KCNMA1: variants seen among roughly 807,000 people sequenced by gnomAD.
KCNMA1 encodes the protein potassium calcium-activated channel subfamily M alpha 1.
A neutral mutation model predicts 140.0 loss-of-function variants in KCNMA1; 29 were observed. The ratio of observed to expected loss-of-function variants is 0.21; its 90% confidence interval spans 0.15 to 0.28. The LOEUF (loss-of-function observed/expected upper bound fraction) is 0.28. Ranked by LOEUF, KCNMA1 falls within the 10% of genes least tolerant of loss-of-function variation. The probability of loss-of-function intolerance (pLI) is 1.00; values close to 1 mark genes in which losing one functional copy is unlikely to be tolerated. For synonymous variants in KCNMA1, 612 were observed against 611.9 expected (o/e 1.00, Z 0.00); for missense variants, 880 against 1,602.2 (o/e 0.55, Z 7.70).
At chr10:77,111,087 T>C (rs2097310264) in intron 7 of KCNMA1, among the ~76,000 whole-genome samples, 1 of 152,196 alleles carries the variant, frequency 6.6e-6, no homozygotes, top group Non-Finnish European at 1.5e-5. Context: ...AACAAATGGG[T>C]GTGGCTGGAT....
chr10:76,891,277 A>G, intron 26 of KCNMA1: 3 of 519,790 alleles, frequency 5.8e-6, no homozygotes, highest in Non-Finnish European at 1.0e-5. Flanking sequence ...TCTGGGCCTC[A>G]GTTGACTTAG....
chr10:76,902,619 A>G (rs2045975366), intron 25 of KCNMA1: 1 of 152,242 alleles, frequency 6.6e-6, no homozygotes, highest in Admixed American at 6.5e-5. Flanking sequence ...ACAAGTTTGC[A>G]AACCTGACTA....
At chr10:76,877,585 G>A (rs2032626165), downstream of KCNMA1, 3 of 637,654 alleles carry the variant, frequency 4.7e-6, no homozygotes, top group Admixed American at 6.0e-5. Flanking sequence ...CAATATTCAA[G>A]GCAGACAAAG....
chr10:77,210,938 T>A (rs140300389), intron 3 of KCNMA1, among the ~76,000 whole-genome samples: 186 of 152,250 alleles, frequency 1.2e-3, no homozygotes, highest in African/African-American at 4.3e-3. Flanking sequence ...TGGAAAAACA[T>A]TTCATGCTCA....
At chr10:77,217,665 A>C (rs1307193737) in intron 3 of KCNMA1, 5 of 386,228 alleles carry the variant, frequency 1.3e-5, no homozygotes, top group Non-Finnish European at 2.7e-5. Context: ...GTTGCACCTC[A>C]ATTTATGCTG....
chr10:77,333,831 G>A (rs1036754800), intron 2 of KCNMA1, among the ~76,000 whole-genome samples: 1 of 152,198 alleles, frequency 6.6e-6, no homozygotes, highest in Non-Finnish European at 1.5e-5. Flanking sequence ...TGAGTGTGAT[G>A]GGTAATTGGC....
At chr10:77,189,488 G>A (rs940815066) in intron 3 of KCNMA1, among the ~76,000 whole-genome samples, 2 of 152,142 alleles carry the variant, frequency 1.3e-5, no homozygotes, top group African/African-American at 4.8e-5. Context: ...AGTACCTGCT[G>A]AGCACATTTT....
At chr10:77,383,343 G>C (rs983101403) in intron 2 of KCNMA1, among the ~76,000 whole-genome samples, 4 of 151,692 alleles carry the variant, frequency 2.6e-5, no homozygotes, top group Non-Finnish European at 4.4e-5. Flanking sequence ...CAGGTGTGCT[G>C]GGGGCTTCTA....
chr10:77,402,304 C>A (rs1322315223), intron 2 of KCNMA1, among the ~76,000 whole-genome samples: 1 of 152,174 alleles, frequency 6.6e-6, no homozygotes, highest in Admixed American at 6.5e-5. Flanking sequence ...CAGCAAGTCA[C>A]CTCCAAGTCC....
intron 1 of KCNMA1, among the ~76,000 whole-genome samples, chr10:77,610,645 T>C (rs2154567975): frequency 6.6e-6 from 1 of 152,332 alleles, no homozygotes; most frequent in South Asian, 2.1e-4. Flanking sequence ...AGGCCACATA[T>C]TGTGTGATTC....
chr10:76,947,682 G>A (rs1170089341), intron 22 of KCNMA1, among the ~76,000 whole-genome samples: 1 of 152,172 alleles, frequency 6.6e-6, no homozygotes, highest in Non-Finnish European at 1.5e-5. Flanking sequence ...AACTGCCTGT[G>A]CTCACTAAGG....
intron 13 of KCNMA1, among the ~76,000 whole-genome samples, chr10:77,078,257 G>A (rs1047542051): frequency 6.6e-6 from 1 of 152,160 alleles, no homozygotes; most frequent in South Asian, 2.1e-4. Context: ...CCAGGTACTG[G>A]GCAGCCTCCG....
chr10:77,421,803 C>T (rs1012162024), intron 1 of KCNMA1, among the ~76,000 whole-genome samples: 2 of 152,250 alleles, frequency 1.3e-5, no homozygotes, highest in African/African-American at 4.8e-5. Context: ...ACGGAAGCCA[C>T]GTCTTGTTCA....
chr10:77,281,748 C>A (rs193133705), intron 2 of KCNMA1, among the ~76,000 whole-genome samples: 64 of 152,260 alleles, frequency 4.2e-4, no homozygotes, highest in Non-Finnish European at 5.1e-4. Context: ...CATGGAGGAA[C>A]CTTACAATCA....
In KCNMA1 at chr10:76,884,927, C is replaced by A; in HGVS notation, c.*2339G>T. 1 of 1,492,318 alleles carries A rather than the reference C, an allele frequency of 6.7e-7. No homozygotes were observed. The highest frequency in any genetic ancestry group is 8.9e-7 in the Non-Finnish European group (1 of 1,123,454). The allele number at this position is 1,492,318 out of a possible 1,614,324, so 92.4% of individuals were successfully genotyped here. On this transcript the variant is annotated 3_prime_UTR_variant, in exon 28 of 28. Transcript: ENST00000286628. ...AATTTCACAAAAGTTTTCACAAGGA[C>A]AACGTTATAGAAGAAAACCCCCAGC... is the stretch of plus-strand genomic sequence containing the variant.
chr10:77,351,054 G>T (rs2092813305), intron 2 of KCNMA1, among the ~76,000 whole-genome samples: 1 of 152,146 alleles, frequency 6.6e-6, no homozygotes, highest in South Asian at 2.1e-4. Flanking sequence ...AAAGAAAAAA[G>T]TTTGAAAACC....
At chr10:77,181,048 C>T (rs1162922411) in intron 5 of KCNMA1, among the ~76,000 whole-genome samples, 1 of 152,170 alleles carries the variant, frequency 6.6e-6, no homozygotes, top group Non-Finnish European at 1.5e-5. Context: ...TTACCGGGGG[C>T]ATGTTCTGCT....
At chr10:77,093,083 T>C (rs772360760) in intron 9 of KCNMA1, among the ~76,000 whole-genome samples, 1 of 152,196 alleles carries the variant, frequency 6.6e-6, no homozygotes, top group Non-Finnish European at 1.5e-5. Flanking sequence ...AGACAAATGC[T>C]GGCAAGAGTG....
chr10:76,974,212 T>C, intron 19 of KCNMA1: 1 of 396,622 alleles, frequency 2.5e-6, no homozygotes, highest in South Asian at 3.6e-5. Flanking sequence ...ATAAGAGTCA[T>C]GCAAAGTGGT....
Sources: gnomAD v4.1 joint callset for allele counts (sites outside exome capture counted in the v4.1 genomes callset) on GRCh38, gnomAD v4.1.1 for gene constraint, MANE v1.5 for transcripts, NCBI Gene and HGNC (gene_info 2026-07-23, HGNC 2026-07-21) for gene names.